HCN1: variants seen among roughly 807,000 people sequenced by gnomAD.
HCN1 encodes the protein hyperpolarization activated cyclic nucleotide gated potassium channel 1, also known as potassium/sodium hyperpolarization-activated cyclic nucleotide-gated channel 1.
A neutral mutation model predicts 78.9 loss-of-function variants in HCN1; 13 were observed. The ratio of observed to expected loss-of-function variants is 0.16; its 90% CI spans 0.11 to 0.26. The LOEUF (loss-of-function observed/expected upper bound fraction) is 0.26, where lower values mean the gene tolerates loss of function less well. Ranked by LOEUF, HCN1 falls within the 10% of genes least tolerant of loss-of-function variation. The pLI is 1.00. For missense variants in HCN1, 810 were observed against 1,154.3 expected (o/e 0.70, Z 4.32); for synonymous variants, 552 against 455.5 (o/e 1.21, Z -2.70).
In HCN1 at chr5:45,261,919, G is replaced by A. The variant is rs781054256; in HGVS notation, c.*2C>T. On this transcript the variant is annotated 3_prime_UTR_variant, in exon 8 of 8. Transcript: ENST00000303230. Reference sequence around the variant, plus strand: ...TCTTTCTGCTTTGACAATCAGCAGGGATCATAAATTTGAAGCAAATCGTGG... The same window carrying A: ...TCTTTCTGCTTTGACAATCAGCAGGAATCATAAATTTGAAGCAAATCGTGG... 3.7e-6 allele frequency: 6 copies of A among 1,613,962 alleles called. No individual in the cohort carries two copies. In the African/African-American group the frequency reaches 8.0e-5, roughly 22 times the overall value.
At chr5:45,368,405 A>T (rs780954735) in intron 4 of HCN1, among the ~76,000 whole-genome samples, 1 of 152,014 alleles carries the variant, frequency 6.6e-6, no homozygotes, top group Non-Finnish European at 1.5e-5. Flanking sequence ...TGGGCTAAGG[A>T]TGAGTTATAT....
At chr5:45,289,883 A>G (rs1477443525) in intron 6 of HCN1, among the ~76,000 whole-genome samples, 1 of 151,906 alleles carries the variant, frequency 6.6e-6, no homozygotes, top group Non-Finnish European at 1.5e-5. Context: ...TAGGTTACAT[A>G]CTGCCTTCTT....
chr5:45,465,390 C>A (rs1741246668), intron 2 of HCN1, among the ~76,000 whole-genome samples: 1 of 152,002 alleles, frequency 6.6e-6, no homozygotes, highest in Admixed American at 6.6e-5. Flanking sequence ...GGCTCTCTTC[C>A]CCGACTAGCA....
Position 45,271,092 on chromosome 5 carries a change from T to G in HCN1, c.1619-3839A>C, listed in dbSNP as rs916930636. ...TGCTTTTAAAATACTGTTTAAAGCCTACATGAAGAAATGTGTACGTGTGTT... is the reference window on the plus strand; with the variant it reads ...TGCTTTTAAAATACTGTTTAAAGCCGACATGAAGAAATGTGTACGTGTGTT... On this transcript the variant is annotated intron_variant, in intron 6 of 7. Transcript: ENST00000303230. Among the ~76,000 whole-genome samples, 15 of 152,270 alleles carry G rather than the reference T, an allele frequency of 9.9e-5. No homozygotes were observed. In the East Asian group the frequency reaches 2.9e-3, roughly 29 times the overall value.
intron 6 of HCN1, among the ~76,000 whole-genome samples, chr5:45,271,938 AGAACAACT>A (rs1227690403): frequency 1.6e-4 from 24 of 152,256 alleles, no homozygotes; most frequent in African/African-American, 5.5e-4. Flanking sequence ...AGTGAGAAAA[AGAACAACT>A]GAAGGTTATT....
At chr5:45,454,992 A>G (rs976926297) in intron 3 of HCN1, among the ~76,000 whole-genome samples, 2 of 152,024 alleles carry the variant, frequency 1.3e-5, no homozygotes, top group African/African-American at 2.4e-5. Flanking sequence ...TCCCCACTCT[A>G]TTGAAGGTTC....
intron 3 of HCN1, among the ~76,000 whole-genome samples, chr5:45,408,422 T>A (rs2112053192): frequency 6.6e-6 from 1 of 152,296 alleles, no homozygotes; most frequent in Admixed American, 6.5e-5. Context: ...CAATACTTAC[T>A]GTGTTACCAA....
intron 2 of HCN1, among the ~76,000 whole-genome samples, chr5:45,537,060 AT>A (rs1742980709): frequency 6.6e-6 from 1 of 152,108 alleles, no homozygotes; most frequent in Admixed American, 6.5e-5. Flanking sequence ...TTCTCAAAGG[AT>A]TTGCCTTTAA....
rs1579760374 is a variant in HCN1 at position 45,259,500 on chromosome 5, G to A, written c.*2421C>T. The A allele has an allele frequency of 6.6e-6, 1 of 152,134 alleles. No homozygotes were observed. The highest frequency in any genetic ancestry group is 1.9e-4 in the East Asian group (1 of 5,166). The allele number at this position is 152,134 out of a possible 1,614,324, so 9.4% of individuals were successfully genotyped here. On this transcript the variant is annotated 3_prime_UTR_variant, in exon 8 of 8. Coordinates refer to ENST00000303230, the MANE Select transcript of HCN1 (RefSeq NM_021072.4). ...AGAGGTCACTTTTCAACTAGCAATGGACCTTTATATTACAGGAATGTGAGT... is the reference window on the plus strand; with the variant it reads ...AGAGGTCACTTTTCAACTAGCAATGAACCTTTATATTACAGGAATGTGAGT...
At position 45,695,917 on chromosome 5, in the gene HCN1, G is replaced by T. The variant is rs1298378220; in HGVS notation, c.177C>A (p.Phe59Leu). 6.7e-7 allele frequency: 1 copy of T among 1,503,154 alleles called. No individual in the cohort carries two copies. The allele number at this position is 1,503,154 out of a possible 1,614,324, so 93.1% of individuals were successfully genotyped here. ...CACCGCCGCCACCGCCGTCCACCTT[G>T]AAGCACACGGAGTTGCCGTGCTCCT... ...GAKEHGNSVC[F>L]KVDGGGGGGG... Residue 59 changes from phenylalanine to leucine, a missense_variant, in exon 1 of 8, where the codon TTC becomes TTA. Phe to Leu is a conservative substitution (Grantham distance 22, BLOSUM62 0). This residue lies in a region of HCN1 where 170 missense variants were observed against 166.8 expected (regional missense o/e 1.02). Transcript: ENST00000303230.
At chr5:45,337,401 T>C (rs139964808) in intron 5 of HCN1, among the ~76,000 whole-genome samples, 2,599 of 152,066 alleles carry the variant, frequency 0.017, 38 homozygotes, top group Middle Eastern at 0.065. Flanking sequence ...ACTAAGAAAG[T>C]TCTGTGGACA....
In HCN1 at chr5:45,696,335, T is replaced by G. The variant is rs1022046530; in HGVS notation, c.-242A>C. 1 of 156,074 alleles carries G rather than the reference T, an allele frequency of 6.4e-6. No individual in the cohort carries two copies. The highest frequency in any genetic ancestry group is 1.4e-5 in the Non-Finnish European group (1 of 70,938). 9.7% of individuals were successfully genotyped at this position (156,074 alleles called of 1,614,324 possible). ...GCGGTCCGGGCTCCGGTGCGGCTGG[T>G]GCTGAAGCTGAGGCTGCCGGAGCTA... On this transcript the variant is annotated 5_prime_UTR_variant, in exon 1 of 8. Transcript: ENST00000303230.
intron 5 of HCN1, among the ~76,000 whole-genome samples, chr5:45,337,343 T>C (rs962387593): frequency 2.6e-5 from 4 of 152,112 alleles, no homozygotes; most frequent in Non-Finnish European, 4.4e-5. Flanking sequence ...CCAGCATGCT[T>C]TTGTAATACA....
chr5:45,330,495 T>C (rs1746323177), intron 5 of HCN1, among the ~76,000 whole-genome samples: 1 of 150,984 alleles, frequency 6.6e-6, no homozygotes. Flanking sequence ...ATATGTTTTC[T>C]GTAGTTACAG....
intron 2 of HCN1, among the ~76,000 whole-genome samples, chr5:45,614,197 T>A (rs1230740835): frequency 1.3e-5 from 2 of 152,084 alleles, no homozygotes; most frequent in Non-Finnish European, 2.9e-5. Flanking sequence ...CCTCCCTCAA[T>A]ATCTTATCTT....
chr5:45,342,534 T>A (rs1746608357), intron 5 of HCN1, among the ~76,000 whole-genome samples: 1 of 151,952 alleles, frequency 6.6e-6, no homozygotes, highest in Non-Finnish European at 1.5e-5. Context: ...GAGCCACTGC[T>A]CCCAGCTTAT....
intron 1 of HCN1, among the ~76,000 whole-genome samples, chr5:45,676,630 T>C (rs540703850): frequency 3.3e-5 from 5 of 151,834 alleles, no homozygotes; most frequent in South Asian, 2.1e-4. Flanking sequence ...CAGGAAAGAA[T>C]AGAAGGTCTA....
At chr5:45,474,387 T>A (rs750278190) in intron 2 of HCN1, among the ~76,000 whole-genome samples, 14 of 151,858 alleles carry the variant, frequency 9.2e-5, no homozygotes, top group Non-Finnish European at 1.9e-4. Context: ...GTTCTATAAA[T>A]CTCTCTCTGT....
At chr5:45,280,630 C>T (rs1029445982) in intron 6 of HCN1, among the ~76,000 whole-genome samples, 16 of 152,154 alleles carry the variant, frequency 1.1e-4, no homozygotes, top group African/African-American at 3.9e-4. Context: ...TATTTTTGGC[C>T]TCCTATCTTC....
Sources: gnomAD v4.1 joint callset for allele counts (sites outside exome capture counted in the v4.1 genomes callset) on GRCh38, gnomAD v4.1.1 for gene constraint, gnomAD v4.1.1 regional missense constraint, MANE v1.5 for transcripts, NCBI Gene and HGNC (gene_info 2026-07-23, HGNC 2026-07-21) for gene names.